Variants in IRGM observed in about 807,000 individuals in gnomAD.
The protein encoded by IRGM is immunity related GTPase M, also known as immunity-related GTPase family M protein.
For missense variants in IRGM, 288 were observed against 219.9 expected, an observed-to-expected ratio of 1.31 and a Z score of -1.96; for synonymous variants, 98 against 80.6, an observed-to-expected ratio of 1.22 and a Z score of -1.16.
chr5:150,863,947 G>A (rs1754170891), intron 1 of IRGM, among the ~76,000 whole-genome samples: 1 of 152,210 alleles, frequency 6.6e-6, no homozygotes, highest in Non-Finnish European at 1.5e-5. Flanking sequence ...GCCTGTCAAA[G>A]GCCTCATGAT....
At chr5:150,902,034 T>C (rs1046000617), downstream of IRGM, among the ~76,000 whole-genome samples, 1 of 152,144 alleles carries the variant, frequency 6.6e-6, no homozygotes, top group South Asian at 2.1e-4. Context: ...CACAGTTATA[T>C]TCATATCAAA....
At chr5:150,848,754 G>C (rs1006621600), downstream of IRGM, 23 of 944,550 alleles carry the variant, frequency 2.4e-5, 1 homozygote, top group African/African-American at 1.7e-5. Context: ...AACACACCTG[G>C]TGCAGAAGGG....
At position 150,898,654 on chromosome 5, in the gene IRGM, T is replaced by C. The variant is rs956090799; in HGVS notation, c.*141-1935T>C. On this transcript the variant is annotated intron_variant and NMD_transcript_variant, in intron 3 of 3. Coordinates refer to the IRGM transcript ENST00000520549. ...CACACCTAGTTTTGTATAATAGTTT[T>C]TGGGAAAAACAAAATAAAATCCTGT... is the stretch of plus-strand genomic sequence containing the variant. The C allele has an allele frequency of 4.4e-6, 6 of 1,356,324 alleles. No homozygotes were observed. The African/African-American group carries it at 4.4e-5, about 10-fold the overall frequency. The allele number at this position is 1,356,324 out of a possible 1,614,324, so 84.0% of individuals were successfully genotyped here.
intron 1 of IRGM, among the ~76,000 whole-genome samples, chr5:150,858,428 T>C (rs1754088814): frequency 6.6e-6 from 1 of 152,200 alleles, no homozygotes; most frequent in South Asian, 2.1e-4. Flanking sequence ...TGGTTCCATA[T>C]GAACTTTAAA....
At chr5:150,883,229 AT>A (rs1754470762) in intron 3 of IRGM, among the ~76,000 whole-genome samples, 1 of 152,058 alleles carries the variant, frequency 6.6e-6, no homozygotes, top group African/African-American at 2.4e-5. Context: ...CTTTTTCTAA[AT>A]AATACTCTAT....
intron 3 of IRGM, among the ~76,000 whole-genome samples, chr5:150,888,188 G>T (rs946123986): frequency 2.0e-5 from 3 of 151,906 alleles, no homozygotes; most frequent in African/African-American, 7.3e-5. Flanking sequence ...ACGAAAAACA[G>T]ACTTTAAACC....
In IRGM at chr5:150,896,085, T is replaced by C. The variant is rs765108536; in HGVS notation, c.*141-4504T>C. 4 of 1,613,564 alleles carry C rather than the reference T, an allele frequency of 2.5e-6. No homozygotes were observed. In the Admixed American group the frequency reaches 6.7e-5, roughly 27 times the overall value. The stretch of plus-strand genomic sequence containing the variant: ...CTTCTGGGAAAAGGCCTTCCCACAC[T>C]CTCTACATTCATAGGGTTTTTCCCC... On this transcript the variant is annotated intron_variant and NMD_transcript_variant, in intron 3 of 3. Coordinates refer to the IRGM transcript ENST00000520549.
chr5:150,856,651 T>G (rs895316782), intron 1 of IRGM, among the ~76,000 whole-genome samples: 16 of 150,998 alleles, frequency 1.1e-4, no homozygotes, highest in African/African-American at 3.4e-4. Flanking sequence ...TTTTTATTTT[T>G]CAGAGACAGG....
downstream of IRGM, among the ~76,000 whole-genome samples, chr5:150,851,370 C>G (rs1008931889): frequency 6.6e-6 from 1 of 152,126 alleles, no homozygotes; most frequent in African/African-American, 2.4e-5. Context: ...ATCATAGACC[C>G]AAGTGCATCA....
chr5:150,896,012 A>G, intron 3 of IRGM: 2 of 1,613,476 alleles, frequency 1.2e-6, no homozygotes, highest in Non-Finnish European at 1.7e-6. Flanking sequence ...CGGTACACTC[A>G]TACGGCTTCT....
At chr5:150,855,805 A>T (rs1269096633) in intron 1 of IRGM, among the ~76,000 whole-genome samples, 1 of 152,210 alleles carries the variant, frequency 6.6e-6, no homozygotes, top group Non-Finnish European at 1.5e-5. Context: ...AGAAAAATAA[A>T]CTAGCCAAAT....
intron 3 of IRGM, among the ~76,000 whole-genome samples, chr5:150,886,476 A>G (rs530561887): frequency 6.6e-6 from 1 of 152,162 alleles, no homozygotes; most frequent in East Asian, 1.9e-4. Flanking sequence ...TAGGAATGGT[A>G]CCAGCTTTTC....
intron 1 of IRGM, among the ~76,000 whole-genome samples, chr5:150,857,632 G>T (rs2113259481): frequency 1.3e-5 from 2 of 151,858 alleles, no homozygotes; most frequent in South Asian, 4.2e-4. Flanking sequence ...TAACTGGTGT[G>T]AGATGGTATC....
intron 1 of IRGM, 140 bp from the exon 2 acceptor site, chr5:150,847,569 A>G (rs1470733071): frequency 6.5e-6 from 1 of 153,906 alleles, no homozygotes; most frequent in Non-Finnish European, 1.4e-5. Flanking sequence ...AAATGTGCAC[A>G]TTGCTTGAAT....
rs1016502818 is a variant in IRGM, at chr5:150,898,050, T to C, written c.*141-2539T>C. ...AATCAATTAAAAAAACATAAATTGA[T>C]ATTTCACTTCCCTTGTCTCCCATCT... On this transcript the variant is annotated intron_variant and NMD_transcript_variant, in intron 3 of 3. Coordinates refer to the IRGM transcript ENST00000520549. 3.7e-6 allele frequency: 6 copies of C among 1,605,250 alleles called. No homozygotes were observed. The African/African-American group carries it at 8.1e-5, about 22-fold the overall frequency.
At chr5:150,854,863 C>G in intron 1 of IRGM, among the ~76,000 whole-genome samples, 1 of 152,022 alleles carries the variant, frequency 6.6e-6, no homozygotes, top group East Asian at 1.9e-4. Context: ...TTGGCTATTA[C>G]TTTTTCAAAA....
At chr5:150,895,535 C>T (rs909613043) in intron 3 of IRGM, 1 of 1,613,596 alleles carries the variant, frequency 6.2e-7, no homozygotes, top group Non-Finnish European at 8.5e-7. Flanking sequence ...TATGAATCCT[C>T]TGATGTAAAA....
chr5:150,849,988 T>A (rs1426916354), downstream of IRGM, among the ~76,000 whole-genome samples: 2 of 152,036 alleles, frequency 1.3e-5, no homozygotes, highest in Non-Finnish European at 2.9e-5. Context: ...CCAAGTCAAA[T>A]AAAGCAATTG....
intron 1 of IRGM, among the ~76,000 whole-genome samples, chr5:150,864,830 A>G (rs1317209953): frequency 1.3e-5 from 2 of 152,262 alleles, no homozygotes; most frequent in African/African-American, 2.4e-5. Flanking sequence ...AGTGCTGTGC[A>G]ATGGCCATAA....
Sources: gnomAD v4.1 joint callset for allele counts (sites outside exome capture counted in the v4.1 genomes callset) on GRCh38, gnomAD v4.1.1 for gene constraint, MANE v1.5 for transcripts, NCBI Gene and HGNC (gene_info 2026-07-23, HGNC 2026-07-21) for gene names.